Variants in SPATA18 observed in about 807,000 individuals in gnomAD.
SPATA18 encodes spermatogenesis associated 18.
Under a neutral mutation model 68.1 loss-of-function variants are expected in SPATA18, and 54 were observed. That is an observed-to-expected ratio of 0.79 (90% confidence interval 0.64 to 0.99). SPATA18 has a LOEUF of 0.99. Among genes scored for constraint, SPATA18 ranks in the 50% least tolerant of loss-of-function variants. The pLI, the probability that SPATA18 is intolerant of heterozygous loss-of-function variation, is 0.00. For missense variants in SPATA18, 724 were observed against 681.1 expected, an observed-to-expected ratio of 1.06 and a Z score of -0.70; for synonymous variants, 242 against 244.8, an observed-to-expected ratio of 0.99 and a Z score of 0.11.
In SPATA18 at chr4:52,062,231, T is replaced by A. The variant is rs772579938; in HGVS notation, c.321T>A (p.Asp107Glu). 6.4e-7 allele frequency: 1 copy of A among 1,572,914 alleles called. No individual in the cohort carries two copies. Among genetic ancestry groups the A allele is most frequent in the African/African-American group, 1.4e-5 (1 of 72,274 alleles). ...GTGTATCTTTCCAGGACACGTTTGA[T>A]AGGGAGAGACATAAAGATCCCAGTC... ...SKVPSLQDTF[D>E]RERHKDPSPR... Residue 107 changes from aspartate (D) to glutamate (E), a missense_variant, in exon 4 of 13, where the codon GAT (aspartate) becomes GAA (glutamate). By Grantham distance (45) the Asp-to-Glu change is conservative (BLOSUM62 2). Transcript: ENST00000295213.
intron 7 of SPATA18, among the ~76,000 whole-genome samples, chr4:52,077,333 C>T (rs961978284): frequency 7.1e-6 from 1 of 140,862 alleles, no homozygotes; most frequent in African/African-American, 2.5e-5. Context: ...TCCCTCCCTC[C>T]CTTCCTTTCT....
intron 11 of SPATA18, among the ~76,000 whole-genome samples, chr4:52,087,810 G>A (rs1444387753): frequency 6.6e-6 from 1 of 152,160 alleles, no homozygotes; most frequent in Non-Finnish European, 1.5e-5. Context: ...TGTGAAGAAA[G>A]TCAGTGGTAG....
chr4:52,094,905 C>A lies in SPATA18; in HGVS notation c.*18C>A. 6.2e-7 allele frequency: 1 copy of A among 1,614,036 alleles called. No individual in the cohort carries two copies. The highest frequency in any genetic ancestry group is 8.5e-7 in the Non-Finnish European group (1 of 1,179,946). On this transcript the variant is annotated 3_prime_UTR_variant, in exon 13 of 13. Coordinates refer to ENST00000295213, the MANE Select transcript of SPATA18 (RefSeq NM_145263.4). ...GATTTTAAAAGCACCAGACCTGCTC[C>A]TTTGACCCAGTGCGTGGAAACAGCT...
At chr4:52,094,687 C>T in intron 12 of SPATA18, 115 bp downstream of exon 12, 1 of 1,294,220 alleles carries the variant, frequency 7.7e-7, no homozygotes. Context: ...CTTTTTCTTA[C>T]TCCTCACACC....
At position 52,079,825 on chromosome 4, in the gene SPATA18, C is replaced by T. The variant is rs774010030; in HGVS notation, c.1261C>T (p.Gln421Ter). ...VDFCLLSDFIQEICCIAFAMQ... is the reference protein window; with the variant it reads ...VDFCLLSDFI ...CTTTTGCCTTCTCAGTGACTTCATC[C>T]AGGAGATATGTTGCATTGCCTTTGC... The change falls in exon 9 of 13, where the codon CAG becomes TAG. Residue 421 changes from glutamine (Q) to a stop codon, truncating the protein, a stop_gained. Transcript: ENST00000295213. LOFTEE classifies it high-confidence loss of function. 5 of 1,614,066 alleles carry T rather than the reference C, an allele frequency of 3.1e-6. No homozygotes were observed. In the South Asian group the frequency reaches 4.4e-5, roughly 14 times the overall value.
At chr4:52,053,653 A>G (rs557453985) in intron 1 of SPATA18, among the ~76,000 whole-genome samples, 32 of 152,154 alleles carry the variant, frequency 2.1e-4, no homozygotes, top group Admixed American at 1.9e-3. Flanking sequence ...CCATGCCCCA[A>G]CCACAGGTCT....
rs149436607 is a variant in SPATA18 at position 52,052,726 on chromosome 4, G to C, written c.87+935G>C. Among the ~76,000 whole-genome samples, 634 of 152,360 alleles carry C rather than the reference G, an allele frequency of 4.2e-3. 4 individuals are homozygous for C. Among genetic ancestry groups the C allele is most frequent in the Non-Finnish European group, 7.8e-3 (530 of 68,038 alleles). On this transcript the variant is annotated intron_variant, in intron 1 of 12. Coordinates refer to ENST00000295213, the MANE Select transcript of SPATA18 (RefSeq NM_145263.4). ...CTGTGAAATAGCAGAGATTGGTCTA[G>C]ATGATATGTAAATTTCCTGTTCAGA...
At chr4:52,083,741 CTTT>C (rs530695076) in intron 10 of SPATA18, among the ~76,000 whole-genome samples, 11 of 121,596 alleles carry the variant, frequency 9.0e-5, no homozygotes, top group Non-Finnish European at 7.1e-5. Flanking sequence ...AAGATCCTGT[CTTT>C]TTTTTTTTTT....
intron 5 of SPATA18, among the ~76,000 whole-genome samples, chr4:52,071,436 A>G (rs368804208): frequency 1.1e-4 from 16 of 152,300 alleles, no homozygotes; most frequent in East Asian, 3.9e-4. Flanking sequence ...TCATATTCCA[A>G]CTGTTCAGAG....
At chr4:52,076,704 GGCCACCAGATGATCTTT>G in intron 6 of SPATA18, 58 bp from the exon 7 acceptor site, 2 of 1,577,974 alleles carry the variant, frequency 1.3e-6, no homozygotes, top group Non-Finnish European at 1.7e-6. Context: ...CGGATTCATT[GGCCACCAGATGATCTTT>G]GCTTTACTTA....
rs1343531943 is a variant in SPATA18, at chr4:52,094,567, T to G, written c.1604T>G (p.Leu535Trp). Reference protein sequence around the residue: ...SRSPSPIRCGLPRF With the variant: ...SRSPSPIRCGWPRF ...AGTCCTTCTCCAATAAGATGTGGATTGCCAAGTAAGTGGGATTAGTTCAGA... is the reference window on the plus strand; with the variant it reads ...AGTCCTTCTCCAATAAGATGTGGATGGCCAAGTAAGTGGGATTAGTTCAGA... Residue 535 changes from leucine to tryptophan, a missense_variant, in exon 12 of 13, where the codon TTG (leucine) becomes TGG (tryptophan). Coordinates refer to ENST00000295213, the MANE Select transcript of SPATA18 (RefSeq NM_145263.4). The G allele has an allele frequency of 6.2e-7, 1 of 1,613,768 alleles. No homozygotes were observed. Among genetic ancestry groups the G allele is most frequent in the East Asian group, 2.2e-5 (1 of 44,892 alleles).
At chr4:52,093,668 A>T (rs1309763640) in intron 11 of SPATA18, among the ~76,000 whole-genome samples, 1 of 152,198 alleles carries the variant, frequency 6.6e-6, no homozygotes. Context: ...TTAGACAGTT[A>T]TTGTGCAACA....
At chr4:52,054,603 T>C (rs760590122) in intron 1 of SPATA18, among the ~76,000 whole-genome samples, 28 of 152,118 alleles carry the variant, frequency 1.8e-4, no homozygotes, top group Non-Finnish European at 3.4e-4. Context: ...CATTTAAATG[T>C]ATTACAATTA....
intron 1 of SPATA18, among the ~76,000 whole-genome samples, chr4:52,058,687 T>G (rs1262390464): frequency 6.6e-6 from 1 of 152,070 alleles, no homozygotes; most frequent in Non-Finnish European, 1.5e-5. Flanking sequence ...CTGGATGCCC[T>G]CCCCATTCAC....
intron 1 of SPATA18, among the ~76,000 whole-genome samples, chr4:52,058,771 G>A (rs963640316): frequency 3.3e-5 from 5 of 152,166 alleles, no homozygotes; most frequent in African/African-American, 1.2e-4. Flanking sequence ...TAGTTTAGTA[G>A]TTAAGAGCAT....
At position 52,079,171 on chromosome 4, in the gene SPATA18, G is replaced by C. The variant is rs527646309; in HGVS notation, c.1179+278G>C. Among the ~76,000 whole-genome samples the C allele has an allele frequency of 5.3e-5, 8 of 152,330 alleles. 1 individual carries two copies. In the South Asian group the frequency reaches 1.7e-3, roughly 32 times the overall value. On this transcript the variant is annotated intron_variant, in intron 8 of 12. Transcript: ENST00000295213. ...CTTAAGAGCAAGGATTTGGGGAAAA[G>C]TATGTATGGATTTGCTTCCTGACTC... is the stretch of plus-strand genomic sequence containing the variant.
In SPATA18 at chr4:52,062,213, T is replaced by C. The variant is rs375650352; in HGVS notation, c.310-7T>C. ...TTTTTTTTTTTTTTTTTGGTGTATCTTTCCAGGACACGTTTGATAGGGAGA... is the reference window on the plus strand; with the variant it reads ...TTTTTTTTTTTTTTTTTGGTGTATCCTTCCAGGACACGTTTGATAGGGAGA... On this transcript the variant is annotated splice_polypyrimidine_tract_variant and splice_region_variant and intron_variant, in intron 3 of 12. Coordinates refer to ENST00000295213, the MANE Select transcript of SPATA18 (RefSeq NM_145263.4). 5.3e-6 allele frequency: 8 copies of C among 1,500,750 alleles called. No homozygotes were observed. Among genetic ancestry groups the C allele is most frequent in the Non-Finnish European group, 7.2e-6 (8 of 1,108,024 alleles). 93.0% of individuals were successfully genotyped at this position (1,500,750 alleles called of 1,614,324 possible).
intron 4 of SPATA18, among the ~76,000 whole-genome samples, 197 bp from the exon 5 acceptor site, chr4:52,069,624 G>A (rs955925011): frequency 2.0e-5 from 3 of 152,170 alleles, no homozygotes; most frequent in African/African-American, 7.2e-5. Context: ...TTGAGCAAAG[G>A]ATGTTAGCAT....
At chr4:52,085,072 T>A in intron 11 of SPATA18, 73 bp downstream of exon 11, 1 of 1,186,272 alleles carries the variant, frequency 8.4e-7, no homozygotes, top group Non-Finnish European at 1.2e-6. Context: ...GCTTCAGCAA[T>A]ACAAAAGAGG....
Sources: gnomAD v4.1 joint callset for allele counts (sites outside exome capture counted in the v4.1 genomes callset) on GRCh38, gnomAD v4.1.1 for gene constraint, MANE v1.5 for transcripts, NCBI Gene and HGNC (gene_info 2026-07-23, HGNC 2026-07-21) for gene names.